Variants in SEMA5A observed in about 807,000 individuals in gnomAD.
SEMA5A encodes semaphorin 5A.
Under a neutral mutation model 135.5 loss-of-function variants are expected in SEMA5A, and 55 were observed. The observed-to-expected ratio is 0.41, with a 90% CI of 0.33 to 0.51. The LOEUF is 0.51. SEMA5A is among the 20% of genes least tolerant of loss of function. The pLI, the probability that SEMA5A is intolerant of heterozygous loss-of-function variation, is 0.37. For missense variants in SEMA5A, 1,290 were observed against 1,419.9 expected (o/e 0.91, Z 1.47); for synonymous variants, 580 against 546.5 (o/e 1.06, Z -0.85).
chr5:9,267,733 A>G (rs1017232953), intron 5 of SEMA5A, among the ~76,000 whole-genome samples: 6 of 152,134 alleles, frequency 3.9e-5, no homozygotes, highest in African/African-American at 1.4e-4. Context: ...AAAAAGACAC[A>G]TCTGAGATCG....
At chr5:9,252,942 A>C (rs1313347023) in intron 5 of SEMA5A, among the ~76,000 whole-genome samples, 2 of 151,968 alleles carry the variant, frequency 1.3e-5, no homozygotes, top group Non-Finnish European at 2.9e-5. Context: ...CCTGCTCCCT[A>C]CCAGAACACA....
intron 5 of SEMA5A, among the ~76,000 whole-genome samples, chr5:9,257,105 A>C (rs1046206596): frequency 7.9e-5 from 12 of 152,182 alleles, no homozygotes; most frequent in African/African-American, 2.9e-4. Flanking sequence ...GAGCTTATTC[A>C]TGGCATGGAG....
intron 12 of SEMA5A, among the ~76,000 whole-genome samples, chr5:9,141,437 C>T (rs960351241): frequency 6.6e-6 from 1 of 152,176 alleles, no homozygotes; most frequent in Admixed American, 6.5e-5. Context: ...TAATTATCAA[C>T]ATTCAATTTT....
In SEMA5A at chr5:9,036,272, A is replaced by C. The variant is rs187859367; in HGVS notation, c.*6625T>G. 8 of 152,272 alleles carry C rather than the reference A, an allele frequency of 5.3e-5. No homozygotes were observed. Among genetic ancestry groups the C allele is most frequent in the African/African-American group, 1.9e-4 (8 of 41,524 alleles). The allele number at this position is 152,272 out of a possible 1,614,324, so 9.4% of individuals were successfully genotyped here. A position where few individuals can be genotyped will look rare whatever the true frequency, so the allele number is the denominator to read the frequency against. On this transcript the variant is annotated 3_prime_UTR_variant, in exon 23 of 23. Coordinates refer to ENST00000382496, the MANE Select transcript of SEMA5A (RefSeq NM_003966.3). ...CCAACAGTCATGGTAAAAGAGAAAA[A>C]CAATCAACTTCAGCAGAGATAATAC... is the stretch of plus-strand genomic sequence containing the variant.
chr5:9,130,120 T>G (rs541455948), intron 13 of SEMA5A, among the ~76,000 whole-genome samples: 3 of 152,232 alleles, frequency 2.0e-5, no homozygotes, highest in Non-Finnish European at 4.4e-5. Context: ...CCAAGCACCA[T>G]CTACAATCCT....
chr5:9,158,038 T>C (rs1743050391), intron 11 of SEMA5A, among the ~76,000 whole-genome samples: 1 of 151,370 alleles, frequency 6.6e-6, no homozygotes, highest in South Asian at 2.1e-4. Context: ...TTGTGTCATA[T>C]GATGTATGTG....
chr5:9,192,964 CAG>C (rs1292053842), intron 10 of SEMA5A, among the ~76,000 whole-genome samples: 1 of 152,054 alleles, frequency 6.6e-6, no homozygotes, highest in Non-Finnish European at 1.5e-5. Context: ...GGACACCTAA[CAG>C]GGAGTTCTCG....
intron 5 of SEMA5A, among the ~76,000 whole-genome samples, chr5:9,299,538 G>C (rs573654419): frequency 1.3e-5 from 2 of 152,214 alleles, no homozygotes; most frequent in South Asian, 4.1e-4. Flanking sequence ...GTGGGGTGCT[G>C]ACCAGTGGAG....
chr5:9,096,363 C>T (rs984467126), intron 16 of SEMA5A, among the ~76,000 whole-genome samples: 3 of 152,204 alleles, frequency 2.0e-5, no homozygotes, highest in Admixed American at 6.5e-5. Context: ...CTCCTGCCAA[C>T]CTAACAACCA....
chr5:9,370,249 G>C (rs560891305), intron 3 of SEMA5A, among the ~76,000 whole-genome samples: 1 of 152,336 alleles, frequency 6.6e-6, no homozygotes, highest in South Asian at 2.1e-4. Context: ...ACTCTGCTCA[G>C]CCGTTCCTGG....
At chr5:9,393,507 C>A (rs993079989) in intron 2 of SEMA5A, among the ~76,000 whole-genome samples, 13 of 152,304 alleles carry the variant, frequency 8.5e-5, no homozygotes, top group Non-Finnish European at 1.9e-4. Context: ...TTCGCTCCAC[C>A]ATTAACCTTA....
intron 3 of SEMA5A, chr5:9,363,440 A>G (rs934067289): frequency 2.6e-5 from 4 of 152,118 alleles, no homozygotes; most frequent in African/African-American, 9.7e-5. Context: ...GGGGGTCATA[A>G]TTACATGGTG....
intron 4 of SEMA5A, among the ~76,000 whole-genome samples, chr5:9,329,729 C>G (rs1024250835): frequency 3.3e-5 from 5 of 152,070 alleles, no homozygotes; most frequent in Non-Finnish European, 7.4e-5. Context: ...AAATAGGAAG[C>G]CTTTGTACAT....
chr5:9,478,779 T>C (rs1759765593), intron 1 of SEMA5A, among the ~76,000 whole-genome samples: 1 of 152,128 alleles, frequency 6.6e-6, no homozygotes, highest in Non-Finnish European at 1.5e-5. Flanking sequence ...AATGAGACTT[T>C]GGACTTATAC....
At chr5:9,305,734 G>GTATATATATATATATA (rs1751836644) in intron 5 of SEMA5A, among the ~76,000 whole-genome samples, 4 of 142,490 alleles carry the variant, frequency 2.8e-5, no homozygotes, top group African/African-American at 1.0e-4. Flanking sequence ...ATATTTACAC[G>GTATATATATATATATA]CACACACACA....
chr5:9,385,964 G>A (rs144168082), intron 2 of SEMA5A, among the ~76,000 whole-genome samples: 1 of 151,868 alleles, frequency 6.6e-6, no homozygotes, highest in Non-Finnish European at 1.5e-5. Context: ...ACCACACCTG[G>A]CTAATTTTTG....
At chr5:9,271,688 T>A (rs536448109) in intron 5 of SEMA5A, among the ~76,000 whole-genome samples, 51 of 152,224 alleles carry the variant, frequency 3.4e-4, no homozygotes, top group African/African-American at 1.2e-3. Flanking sequence ...GTGCATCTCA[T>A]TGGGACTTGT....
intron 2 of SEMA5A, among the ~76,000 whole-genome samples, chr5:9,398,688 A>G (rs1006877057): frequency 3.3e-5 from 5 of 152,234 alleles, no homozygotes; most frequent in African/African-American, 1.2e-4. Flanking sequence ...TTTGCCCACA[A>G]AAATATTTCA....
intron 13 of SEMA5A, among the ~76,000 whole-genome samples, chr5:9,134,387 A>G (rs562347203): frequency 6.6e-6 from 1 of 152,304 alleles, no homozygotes; most frequent in Non-Finnish European, 1.5e-5. Context: ...GCCTCAAGCA[A>G]TCCTCCTGTC....
Sources: allele counts gnomAD v4.1 joint callset (sites outside exome capture counted in the v4.1 genomes callset), GRCh38; gene constraint gnomAD v4.1.1; transcripts MANE v1.5; gene names NCBI Gene and HGNC (gene_info 2026-07-23, HGNC 2026-07-21).